SYN2: variants seen among roughly 807,000 people sequenced by gnomAD.
SYN2 encodes the protein synapsin-2.
Under a neutral mutation model 50.9 loss-of-function variants are expected in SYN2, and 19 were observed. That is an observed-to-expected ratio of 0.37 (90% CI 0.26 to 0.55). SYN2 has a LOEUF of 0.55. SYN2 is among the 20% of genes least tolerant of loss of function. The pLI is 0.81. For missense variants in SYN2, 587 were observed against 576.4 expected (o/e 1.02, Z -0.19); for synonymous variants, 255 against 224.9 (o/e 1.13, Z -1.20).
At position 12,162,147 on chromosome 3, in the gene SYN2, G is replaced by A. The variant is rs776124697; in HGVS notation, c.973G>A (p.Ala325Thr). 1 of 1,614,082 alleles carries A rather than the reference G, an allele frequency of 6.2e-7. No individual in the cohort carries two copies. The highest frequency in any genetic ancestry group is 1.1e-5 in the South Asian group (1 of 91,066). ...RVQKIGNNYK[A>T]YMRTSISGNW... is the part of the protein sequence containing the mutation. ...CCAGAAGATTGGCAACAACTACAAG[G>A]CTTACATGTGAGTAAGAGTGGGGTA... is the stretch of plus-strand genomic sequence containing the variant. Residue 325 changes from alanine (A) to threonine (T), a missense_variant, in exon 7 of 13, where the codon GCT becomes ACT. Transcript: ENST00000621198.
At chr3:12,033,705 T>A (rs976743933) in intron 1 of SYN2, among the ~76,000 whole-genome samples, 12 of 152,222 alleles carry the variant, frequency 7.9e-5, no homozygotes, top group Non-Finnish European at 1.2e-4. Context: ...ACCACTAATT[T>A]ACCTTCTGTT....
At chr3:12,022,733 A>G (rs1285680249) in intron 1 of SYN2, among the ~76,000 whole-genome samples, 1 of 150,792 alleles carries the variant, frequency 6.6e-6, no homozygotes, top group Non-Finnish European at 1.5e-5. Context: ...TTTTTTGTAG[A>G]GACAGAGTCT....
At chr3:12,082,539 G>A (rs1372514179) in intron 1 of SYN2, among the ~76,000 whole-genome samples, 1 of 152,214 alleles carries the variant, frequency 6.6e-6, no homozygotes, top group Non-Finnish European at 1.5e-5. Context: ...GCAAAGTTTG[G>A]TATTAGGAAG....
chr3:12,158,566 C>G (rs1697530069), intron 5 of SYN2: 2 of 1,320,344 alleles, frequency 1.5e-6, no homozygotes, highest in African/African-American at 1.5e-5. Flanking sequence ...CCTTCTCCAC[C>G]CATCAGCCTC....
chr3:12,060,989 A>G (rs370962153), intron 1 of SYN2, among the ~76,000 whole-genome samples: 10 of 152,198 alleles, frequency 6.6e-5, no homozygotes, highest in East Asian at 5.8e-4. Context: ...CTCTGATGGA[A>G]AAAGTAGATA....
intron 1 of SYN2, among the ~76,000 whole-genome samples, chr3:12,130,970 A>G (rs1696785996): frequency 6.6e-6 from 1 of 152,202 alleles, no homozygotes; most frequent in Non-Finnish European, 1.5e-5. Context: ...GAATTATGGC[A>G]GGGGTGATTT....
At chr3:12,167,178 C>G in intron 7 of SYN2, 56 bp from the exon 8 acceptor site, 1 of 1,563,866 alleles carries the variant, frequency 6.4e-7, no homozygotes. Flanking sequence ...GTTGCATGCC[C>G]TCCTCTTGCT....
intron 1 of SYN2, among the ~76,000 whole-genome samples, chr3:12,062,216 C>G (rs1334990839): frequency 6.6e-6 from 1 of 151,946 alleles, no homozygotes; most frequent in African/African-American, 2.4e-5. Flanking sequence ...CAGAAATAGA[C>G]TCACACAGAT....
intron 1 of SYN2, among the ~76,000 whole-genome samples, chr3:12,058,772 G>C (rs961040439): frequency 1.3e-5 from 2 of 152,166 alleles, no homozygotes; most frequent in African/African-American, 4.8e-5. Flanking sequence ...TGTCATATCA[G>C]TGCTGAGAAT....
intron 1 of SYN2, among the ~76,000 whole-genome samples, chr3:12,073,800 A>G (rs1695414219): frequency 1.3e-5 from 2 of 152,196 alleles, no homozygotes; most frequent in South Asian, 4.1e-4. Context: ...AATGTTTCAT[A>G]TGTGCTTAAG....
chr3:12,044,207 A>ACACCCC (rs1553610016), intron 1 of SYN2, among the ~76,000 whole-genome samples: 55 of 144,922 alleles, frequency 3.8e-4, no homozygotes, highest in South Asian at 8.9e-4. Flanking sequence ...ACACACACAC[A>ACACCCC]CACACACACA....
rs183852380 is a variant in SYN2, at chr3:12,049,097, A to T, written c.377+44169A>T. ...TTTCTCATTCATTGAGCACATGCTTATCGAACACTTAGGGTATGTCAGGCC... is the reference window on the plus strand; with the variant it reads ...TTTCTCATTCATTGAGCACATGCTTTTCGAACACTTAGGGTATGTCAGGCC... On this transcript the variant is annotated intron_variant, in intron 1 of 12. Coordinates refer to ENST00000621198, the MANE Select transcript of SYN2 (RefSeq NM_133625.6). 3.9e-5 allele frequency among the ~76,000 whole-genome samples: 6 copies of T among 152,304 alleles called. No individual in the cohort carries two copies. In the East Asian group the frequency reaches 5.8e-4, roughly 15 times the overall value.
chr3:12,180,012 G>T (rs762131923), intron 10 of SYN2, among the ~76,000 whole-genome samples: 7 of 152,162 alleles, frequency 4.6e-5, no homozygotes, highest in Non-Finnish European at 7.3e-5. Flanking sequence ...GCAGTGGCGT[G>T]ATCCTGGCTC....
chr3:12,168,626 G>C, intron 9 of SYN2, 148 bp downstream of exon 9: 1 of 663,446 alleles, frequency 1.5e-6, no homozygotes, highest in Non-Finnish European at 2.6e-6. Context: ...CTGCTAGGCT[G>C]ACCCACGCCA....
At position 12,090,056 on chromosome 3, in the gene SYN2, A is replaced by G. The variant is rs150573810; in HGVS notation, c.378-50595A>G. On this transcript the variant is annotated intron_variant, in intron 1 of 12. Transcript: ENST00000621198. ...CAAGAAATAGACTAAAAGCATTTTA[A>G]GAGAATTTCTGCCTAGATATCTGAC... is the stretch of plus-strand genomic sequence containing the variant. Among the ~76,000 whole-genome samples, 717 of 152,364 alleles carry G rather than the reference A, an allele frequency of 4.7e-3. 10 individuals are homozygous for G. Among genetic ancestry groups the G allele is most frequent in the Admixed American group, 0.044 (670 of 15,308 alleles).
At position 12,073,245 on chromosome 3, in the gene SYN2, G is replaced by A. The variant is rs569504713; in HGVS notation, c.378-67406G>A. On this transcript the variant is annotated intron_variant, in intron 1 of 12. Transcript: ENST00000621198. ...AAACCCCTGCTTTTTAACTTCTTCA[G>A]AGAATAAATTCTGGTTTCCTGTATG... 6.6e-5 allele frequency among the ~76,000 whole-genome samples: 10 copies of A among 152,286 alleles called. No homozygotes were observed. The South Asian group carries it at 1.5e-3, about 22-fold the overall frequency.
At chr3:12,018,978 G>A (rs1425402180) in intron 1 of SYN2, among the ~76,000 whole-genome samples, 3 of 152,198 alleles carry the variant, frequency 2.0e-5, no homozygotes, top group Non-Finnish European at 4.4e-5. Flanking sequence ...GTTGAGTCTA[G>A]TTAGAACTGT....
At chr3:12,177,462 A>AGCC (rs1698105343) in intron 10 of SYN2, among the ~76,000 whole-genome samples, 3 of 152,194 alleles carry the variant, frequency 2.0e-5, no homozygotes, top group African/African-American at 7.2e-5. Flanking sequence ...AAGAAGACCA[A>AGCC]GCCTAAGAAG....
Position 12,050,278 on chromosome 3 carries a change from G to A in SYN2, c.377+45350G>A, listed in dbSNP as rs548598459. ...TGTTAGAGTTTATTAGAGTAAATCC[G>A]TAAGTTACACCTTTCATTTAATGTT... is the stretch of plus-strand genomic sequence containing the variant. On this transcript the variant is annotated intron_variant, in intron 1 of 12. Transcript: ENST00000621198. 4.8e-4 allele frequency among the ~76,000 whole-genome samples: 73 copies of A among 151,450 alleles called. 1 individual carries two copies. Among genetic ancestry groups the A allele is most frequent in the Admixed American group, 1.1e-3 (17 of 15,194 alleles).
Sources: gnomAD v4.1 joint callset for allele counts (sites outside exome capture counted in the v4.1 genomes callset) on GRCh38, gnomAD v4.1.1 for gene constraint, MANE v1.5 for transcripts, NCBI Gene and HGNC (gene_info 2026-07-23, HGNC 2026-07-21) for gene names.